The following RIMBP2 variants were observed in gnomAD, a reference collection of about 807,000 sequenced individuals.
RIMBP2 encodes RIMS-binding protein 2.
RIMBP2 carries 48 observed loss-of-function variants against 118.6 expected under a neutral mutation model. That is an observed-to-expected ratio of 0.40 (90% CI 0.32 to 0.51). The LOEUF is 0.51. Among genes scored for constraint, RIMBP2 ranks in the 20% least tolerant of loss-of-function variants. The pLI, the probability that RIMBP2 is intolerant of heterozygous loss-of-function variation, is 0.41. For missense variants in RIMBP2, 1,551 were observed against 1,768.3 expected (o/e 0.88, Z 2.20); for synonymous variants, 762 against 742.9 (o/e 1.03, Z -0.42).
Position 130,584,314 on chromosome 12 carries a change from TC to T in RIMBP2, c.-217+44007del, listed in dbSNP as rs144495367. Among the ~76,000 whole-genome samples the T allele has an allele frequency of 2.9e-3, 13 of 4,498 alleles. 1 individual carries two copies. Among genetic ancestry groups the T allele is most frequent in the Non-Finnish European group, 2.7e-3 (6 of 2,240 alleles). 3.0% of individuals were successfully genotyped at this position (4,498 alleles called of 152,430 possible). ...CCACCATCACATCACCACCATCACC[TC>T]CATCACCACCATCACCTCATCACCA... On this transcript the variant is annotated intron_variant, in intron 2 of 22. Coordinates refer to ENST00000690449, the MANE Select transcript of RIMBP2 (RefSeq NM_001393629.1).
chr12:130,643,622 G>A (rs990255271), intron 1 of RIMBP2, among the ~76,000 whole-genome samples: 10 of 152,178 alleles, frequency 6.6e-5, no homozygotes, highest in East Asian at 1.9e-4. Context: ...CTATACATGC[G>A]GAGGGAAAGC....
chr12:130,421,338 G>A (rs1193083422), intron 17 of RIMBP2, among the ~76,000 whole-genome samples: 1 of 152,104 alleles, frequency 6.6e-6, no homozygotes, highest in African/African-American at 2.4e-5. Flanking sequence ...CTGAAAATAC[G>A]GTTTCCTAAG....
intron 2 of RIMBP2, among the ~76,000 whole-genome samples, chr12:130,520,672 CAAAAA>C (rs1162018669): frequency 1.5e-5 from 1 of 68,834 alleles, no homozygotes; most frequent in Non-Finnish European, 2.8e-5. Flanking sequence ...AACTCCATCT[CAAAAA>C]AAAAAAAAAA....
At chr12:130,470,504 C>A (rs1018259693) in intron 6 of RIMBP2, 189 bp downstream of exon 6, 3 of 393,458 alleles carry the variant, frequency 7.6e-6, no homozygotes, top group African/African-American at 6.2e-5. Context: ...CCTGTAAGAA[C>A]GGACCTGGTC....
chr12:130,485,014 A>G (rs1301268756), intron 4 of RIMBP2, among the ~76,000 whole-genome samples: 2 of 151,522 alleles, frequency 1.3e-5, no homozygotes, highest in Non-Finnish European at 2.9e-5. Context: ...CTTGGCATCT[A>G]TTAAGTTCTC....
chr12:130,430,398 C>T (rs1032359788), intron 14 of RIMBP2: 1 of 152,180 alleles, frequency 6.6e-6, no homozygotes, highest in African/African-American at 2.4e-5. Flanking sequence ...TGAGGTAAAG[C>T]CTCCACGAGA....
At chr12:130,569,648 G>A (rs202056312) in intron 2 of RIMBP2, among the ~76,000 whole-genome samples, 2 of 152,130 alleles carry the variant, frequency 1.3e-5, no homozygotes, top group Non-Finnish European at 2.9e-5. Context: ...GGGTTCTCAC[G>A]AGATCTGGCC....
At chr12:130,616,563 G>A (rs1244221303) in intron 2 of RIMBP2, among the ~76,000 whole-genome samples, 1 of 152,222 alleles carries the variant, frequency 6.6e-6, no homozygotes, top group Non-Finnish European at 1.5e-5. Context: ...CATAGAAAAA[G>A]TCGCCCAACC....
intron 2 of RIMBP2, among the ~76,000 whole-genome samples, chr12:130,541,827 A>G (rs1189081677): frequency 6.6e-6 from 1 of 152,160 alleles, no homozygotes; most frequent in Non-Finnish European, 1.5e-5. Flanking sequence ...CCACTCATCT[A>G]ATATATGTTT....
At chr12:130,470,924 G>T (rs2080948369) in intron 5 of RIMBP2, among the ~76,000 whole-genome samples, 181 bp from the exon 6 acceptor site, 1 of 152,174 alleles carries the variant, frequency 6.6e-6, no homozygotes, top group African/African-American at 2.4e-5. Flanking sequence ...TACATGTGCA[G>T]GTTTGCTGTA....
At position 130,688,316 on chromosome 12, in the gene RIMBP2, T is replaced by C. The variant is rs983048357; in HGVS notation, c.-352+27906A>G. On this transcript the variant is annotated intron_variant, in intron 1 of 22. Transcript: ENST00000690449. This position sits in a 1 kb window ranked among gnomAD's most constrained non-coding sequence, Gnocchi z 4.7. ...CTGAACTCCTCACCTCCAGCCTTTC[T>C]AGCCTCACTAGCCTCCCAAGCTTGC... 6.6e-6 allele frequency among the ~76,000 whole-genome samples: 1 copy of C among 152,148 alleles called. No individual in the cohort carries two copies. The highest frequency in any genetic ancestry group is 1.5e-5 in the Non-Finnish European group (1 of 68,024).
At chr12:130,498,811 CG>C (rs2049453448) in intron 4 of RIMBP2, among the ~76,000 whole-genome samples, 1 of 152,116 alleles carries the variant, frequency 6.6e-6, no homozygotes, top group African/African-American at 2.4e-5. Context: ...GCCATCTGAG[CG>C]TAACTACCCA....
At chr12:130,563,124 T>C (rs2056944997) in intron 2 of RIMBP2, among the ~76,000 whole-genome samples, 1 of 152,206 alleles carries the variant, frequency 6.6e-6, no homozygotes, top group Non-Finnish European at 1.5e-5. Context: ...GTTCTAAATC[T>C]CAGAGGGCTT....
intron 2 of RIMBP2, among the ~76,000 whole-genome samples, chr12:130,551,660 T>A (rs1330865915): frequency 2.0e-5 from 3 of 152,210 alleles, no homozygotes; most frequent in Non-Finnish European, 4.4e-5. Flanking sequence ...TATAGAATTG[T>A]GCATTCTTGA....
intron 1 of RIMBP2, among the ~76,000 whole-genome samples, chr12:130,664,315 GAT>G (rs2063775567): frequency 5.9e-5 from 9 of 151,554 alleles, no homozygotes. Context: ...ATCAAATAGA[GAT>G]AAGTTGGAAA....
At chr12:130,646,553 C>T (rs1447492531) in intron 1 of RIMBP2, among the ~76,000 whole-genome samples, 1 of 152,212 alleles carries the variant, frequency 6.6e-6, no homozygotes, top group Admixed American at 6.5e-5. Flanking sequence ...GTCCTGTTTT[C>T]AGATGCTTTC....
At chr12:130,697,459 G>T (rs1207736775) in intron 1 of RIMBP2, among the ~76,000 whole-genome samples, 1 of 152,154 alleles carries the variant, frequency 6.6e-6, no homozygotes, top group Non-Finnish European at 1.5e-5. Context: ...GGAGTTCAAG[G>T]CTGCAGTGGG....
chr12:130,476,637 C>A (rs1423169233), intron 5 of RIMBP2, among the ~76,000 whole-genome samples: 1 of 152,218 alleles, frequency 6.6e-6, no homozygotes, highest in African/African-American at 2.4e-5. Flanking sequence ...CCTGCCCCAG[C>A]CCTCGGCGTG....
At chr12:130,609,245 C>T (rs940054231) in intron 2 of RIMBP2, among the ~76,000 whole-genome samples, 4 of 152,112 alleles carry the variant, frequency 2.6e-5, no homozygotes, top group South Asian at 2.1e-4. Flanking sequence ...TGTCTGCCCC[C>T]CCACGTTTAT....
Sources: gnomAD v4.1 joint callset for allele counts (sites outside exome capture counted in the v4.1 genomes callset) on GRCh38, gnomAD v4.1.1 for gene constraint, Gnocchi (gnomAD v3.1) non-coding constraint, MANE v1.5 for transcripts, NCBI Gene and HGNC (gene_info 2026-07-23, HGNC 2026-07-21) for gene names.